The following SLCO6A1 variants were observed in gnomAD, a reference collection of about 807,000 sequenced individuals.
SLCO6A1 encodes cancer/testis antigen 48.
SLCO6A1 carries 65 observed loss-of-function variants against 72.7 expected under a neutral mutation model. The observed-to-expected ratio is 0.89, with a 90% CI of 0.73 to 1.10. The LOEUF (loss-of-function observed/expected upper bound fraction) is 1.10, where lower values mean the gene tolerates loss of function less well. Ranked by LOEUF, SLCO6A1 falls within the 50% of genes least tolerant of loss-of-function variation. The pLI is 0.00. For missense variants in SLCO6A1, 874 were observed against 872.6 expected (o/e 1.00, Z -0.02); for synonymous variants, 314 against 298.2 (o/e 1.05, Z -0.55).
intron 12 of SLCO6A1, among the ~76,000 whole-genome samples, chr5:102,385,254 G>A (rs1746350864): frequency 6.6e-6 from 1 of 152,048 alleles, no homozygotes; most frequent in Non-Finnish European, 1.5e-5. Context: ...TGACTTTTGT[G>A]AATTTGATTG....
intron 6 of SLCO6A1, among the ~76,000 whole-genome samples, chr5:102,449,885 C>T (rs1268464277): frequency 2.0e-5 from 3 of 152,172 alleles, no homozygotes; most frequent in Non-Finnish European, 4.4e-5. Flanking sequence ...TGAGTTAATT[C>T]AAACCACTGG....
intron 9 of SLCO6A1, among the ~76,000 whole-genome samples, chr5:102,401,062 G>GC (rs1747372184): frequency 6.6e-6 from 1 of 151,756 alleles, no homozygotes; most frequent in African/African-American, 2.4e-5. Context: ...GGGAATATTG[G>GC]GGGGGTTATA....
chr5:102,463,896 G>GAAAAAAAAA (rs397697671), intron 4 of SLCO6A1, among the ~76,000 whole-genome samples: 1 of 137,080 alleles, frequency 7.3e-6, no homozygotes. Context: ...CAAAAAAGAA[G>GAAAAAAAAA]AAAAAAAAAA....
intron 9 of SLCO6A1, among the ~76,000 whole-genome samples, chr5:102,401,960 A>G (rs1297658936): frequency 6.6e-6 from 1 of 152,144 alleles, no homozygotes; most frequent in Non-Finnish European, 1.5e-5. Flanking sequence ...CCTTTTAGCC[A>G]TACAAGATGG....
intron 10 of SLCO6A1, among the ~76,000 whole-genome samples, chr5:102,394,882 A>G (rs1179141920): frequency 6.6e-6 from 1 of 152,138 alleles, no homozygotes; most frequent in Non-Finnish European, 1.5e-5. Context: ...AAAATATATC[A>G]AGTTACAACA....
At position 102,458,397 on chromosome 5, in the gene SLCO6A1, T is replaced by C; in HGVS notation, c.1116A>G (p.Leu372=). Reference sequence around the variant, plus strand: ...TTTACTTTACCCAAAGAGCAGCACATAAATCCTTGATATTAGTTCCAAGTT... The same window carrying C: ...TTTACTTTACCCAAAGAGCAGCACACAAATCCTTGATATTAGTTCCAAGTT... ...DLKLGTNIKD[L]CAALWILMKN... is the part of the protein sequence containing the mutation. Residue 372 remains leucine (L), a synonymous_variant, in exon 6 of 14, where the codon TTA becomes TTG. Coordinates refer to ENST00000506729, the MANE Select transcript of SLCO6A1 (RefSeq NM_173488.5). 6.2e-7 allele frequency: 1 copy of C among 1,610,742 alleles called. No individual in the cohort carries two copies. The highest frequency in any genetic ancestry group is 8.5e-7 in the Non-Finnish European group (1 of 1,177,986).
intron 7 of SLCO6A1, among the ~76,000 whole-genome samples, chr5:102,436,984 G>C (rs533014444): frequency 2.4e-4 from 36 of 152,242 alleles, no homozygotes; most frequent in Admixed American, 6.5e-4. Flanking sequence ...ACCACCAGCA[G>C]ATCACATAGC....
chr5:102,496,777 T>G (rs1399965099), intron 1 of SLCO6A1, among the ~76,000 whole-genome samples: 1 of 152,160 alleles, frequency 6.6e-6, no homozygotes, highest in Non-Finnish European at 1.5e-5. Context: ...TAAATATAAT[T>G]ACCCCCTTAT....
chr5:102,488,296 C>T (rs1752528808), intron 1 of SLCO6A1, among the ~76,000 whole-genome samples: 1 of 152,070 alleles, frequency 6.6e-6, no homozygotes, highest in African/African-American at 2.4e-5. Flanking sequence ...TGTTTTCAAA[C>T]TGTTATATAT....
chr5:102,402,055 A>T (rs1055712141), intron 9 of SLCO6A1, among the ~76,000 whole-genome samples: 9 of 152,112 alleles, frequency 5.9e-5, no homozygotes, highest in African/African-American at 2.2e-4. Context: ...AGGGTTGAAG[A>T]ACTAAGGAGT....
chr5:102,425,157 A>G (rs1310832227), intron 7 of SLCO6A1, among the ~76,000 whole-genome samples: 2 of 152,204 alleles, frequency 1.3e-5, no homozygotes, highest in Non-Finnish European at 2.9e-5. Flanking sequence ...ACCCACAGCT[A>G]ATATCATACT....
chr5:102,497,436 AAAC>A (rs745436749), intron 1 of SLCO6A1, among the ~76,000 whole-genome samples: 3 of 152,188 alleles, frequency 2.0e-5, no homozygotes, highest in Non-Finnish European at 4.4e-5. Flanking sequence ...GTTGGTGACC[AAAC>A]AACGATAAAT....
At chr5:102,384,324 A>C (rs1746286596) in intron 12 of SLCO6A1, among the ~76,000 whole-genome samples, 5 of 151,928 alleles carry the variant, frequency 3.3e-5, no homozygotes, top group Admixed American at 3.3e-4. Context: ...ATTTACATTT[A>C]AAGTAATTAT....
chr5:102,423,118 G>T (rs551553022), intron 7 of SLCO6A1, among the ~76,000 whole-genome samples: 1 of 152,118 alleles, frequency 6.6e-6, no homozygotes, highest in Non-Finnish European at 1.5e-5. Flanking sequence ...AAGAGCTCCT[G>T]CAGGAAACAC....
chr5:102,392,335 G>C (rs1336533215), intron 10 of SLCO6A1, among the ~76,000 whole-genome samples: 3 of 151,830 alleles, frequency 2.0e-5, no homozygotes, highest in Non-Finnish European at 4.4e-5. Context: ...ACTAAAGAGA[G>C]TTTAAAAAGT....
At position 102,420,033 on chromosome 5, in the gene SLCO6A1, G is replaced by T; in HGVS notation, c.1277-12C>A. On this transcript the variant is annotated splice_polypyrimidine_tract_variant and intron_variant, in intron 7 of 13. Coordinates refer to ENST00000506729, the MANE Select transcript of SLCO6A1 (RefSeq NM_173488.5). Reference sequence around the variant, plus strand: ...AATTAAAACAAGTCCTAAAAAAAAGGAGGAGAAAAACACAGTTAAAAATAA... The same window carrying T: ...AATTAAAACAAGTCCTAAAAAAAAGTAGGAGAAAAACACAGTTAAAAATAA... The T allele has an allele frequency of 6.4e-7, 1 of 1,556,268 alleles. No individual in the cohort carries two copies. Among genetic ancestry groups the T allele is most frequent in the East Asian group, 2.3e-5 (1 of 43,600 alleles).
intron 10 of SLCO6A1, among the ~76,000 whole-genome samples, chr5:102,393,847 T>C (rs1746907371): frequency 6.6e-6 from 1 of 152,164 alleles, no homozygotes. Context: ...TAAATGAGCC[T>C]CTTGATGGAA....
chr5:102,473,472 TC>T (rs1751733419), intron 4 of SLCO6A1, among the ~76,000 whole-genome samples: 1 of 151,906 alleles, frequency 6.6e-6, no homozygotes, highest in African/African-American at 2.4e-5. Flanking sequence ...AAATTACACC[TC>T]AATATAGTAA....
intron 6 of SLCO6A1, 85 bp from the exon 7 acceptor site, chr5:102,438,846 T>C (rs990618024): frequency 2.6e-5 from 24 of 923,306 alleles, no homozygotes; most frequent in Non-Finnish European, 3.5e-5. Flanking sequence ...ATGATCTGTC[T>C]ACAAAAATTT....
Sources: allele counts gnomAD v4.1 joint callset (sites outside exome capture counted in the v4.1 genomes callset), GRCh38; gene constraint gnomAD v4.1.1; transcripts MANE v1.5; gene names NCBI Gene and HGNC (gene_info 2026-07-23, HGNC 2026-07-21).